Variants in GRID2 observed in about 807,000 individuals in gnomAD.
GRID2 encodes the protein glutamate receptor ionotropic, delta-2.
GRID2 carries 33 observed loss-of-function variants against 114.8 expected under a neutral mutation model. The ratio of observed to expected loss-of-function variants is 0.29; its 90% CI spans 0.22 to 0.38. The LOEUF is 0.38. Ranked by LOEUF, GRID2 falls within the 10% of genes least tolerant of loss-of-function variation. The probability of loss-of-function intolerance (pLI) is 1.00; values close to 1 mark genes in which losing one functional copy is unlikely to be tolerated. For missense variants in GRID2, 1,184 were observed against 1,257.7 expected (o/e 0.94, Z 0.89); for synonymous variants, 505 against 449.9 (o/e 1.12, Z -1.55).
chr4:93,745,767 A>C (rs1008155982), intron 14 of GRID2, among the ~76,000 whole-genome samples: 1 of 152,238 alleles, frequency 6.6e-6, no homozygotes. Flanking sequence ...ATTTTCAATT[A>C]ACAGGAAGAT....
chr4:93,435,092 C>A (rs1219216484), intron 10 of GRID2, among the ~76,000 whole-genome samples: 3 of 150,646 alleles, frequency 2.0e-5, no homozygotes, highest in Admixed American at 2.0e-4. Flanking sequence ...ATAACACTTA[C>A]AATTATTTTA....
chr4:93,492,483 A>T (rs1727113396), intron 12 of GRID2, among the ~76,000 whole-genome samples: 1 of 151,818 alleles, frequency 6.6e-6, no homozygotes. Flanking sequence ...TATGAATCTT[A>T]GGTTTTAGAG....
chr4:92,456,572 A>G (rs1218426940), intron 1 of GRID2, among the ~76,000 whole-genome samples: 1 of 152,090 alleles, frequency 6.6e-6, no homozygotes, highest in African/African-American at 2.4e-5. Flanking sequence ...CTCAATACCA[A>G]CCTACATAAT....
chr4:93,332,267 C>T (rs36075400), intron 8 of GRID2, among the ~76,000 whole-genome samples: 4,845 of 133,790 alleles, frequency 0.036, 125 homozygotes, highest in Non-Finnish European at 0.046. Flanking sequence ...TGTGTGTGTG[C>T]GTGTGTGTGT....
intron 9 of GRID2, among the ~76,000 whole-genome samples, chr4:93,417,290 T>C (rs1366718978): frequency 6.6e-6 from 1 of 152,138 alleles, no homozygotes; most frequent in African/African-American, 2.4e-5. Context: ...TTAAAATTAC[T>C]TTCTTACTAT....
At chr4:92,769,274 T>G (rs2149350744) in intron 2 of GRID2, among the ~76,000 whole-genome samples, 1 of 152,274 alleles carries the variant, frequency 6.6e-6, no homozygotes, top group Admixed American at 6.5e-5. Context: ...GTCATGCTGA[T>G]GCAAAAAATG....
intron 14 of GRID2, among the ~76,000 whole-genome samples, chr4:93,735,822 G>A (rs2110237821): frequency 6.6e-6 from 1 of 152,122 alleles, no homozygotes; most frequent in East Asian, 1.9e-4. Context: ...TAAGTATTGA[G>A]AAGCAGGAAA....
At chr4:93,528,980 C>A (rs1731193929) in intron 13 of GRID2, among the ~76,000 whole-genome samples, 1 of 151,996 alleles carries the variant, frequency 6.6e-6, no homozygotes, top group Non-Finnish European at 1.5e-5. Flanking sequence ...AGTGATTTAC[C>A]CAAGGCCACA....
intron 1 of GRID2, among the ~76,000 whole-genome samples, chr4:92,546,359 G>T (rs1726260305): frequency 6.6e-6 from 1 of 152,120 alleles, no homozygotes; most frequent in African/African-American, 2.4e-5. Flanking sequence ...TCCCCATCGT[G>T]CCATGTTTTC....
chr4:93,007,420 A>G (rs1721656670), intron 2 of GRID2, among the ~76,000 whole-genome samples: 1 of 152,194 alleles, frequency 6.6e-6, no homozygotes, highest in Admixed American at 6.5e-5. Context: ...GGTTGTCGTG[A>G]GAAATCTTCA....
chr4:93,345,328 G>C (rs1266095436), intron 8 of GRID2, among the ~76,000 whole-genome samples: 4 of 151,648 alleles, frequency 2.6e-5, no homozygotes. Context: ...GTTATCTTTA[G>C]TAGTAGCCAC....
At chr4:92,393,076 C>T (rs1730325039) in intron 1 of GRID2, among the ~76,000 whole-genome samples, 3 of 152,080 alleles carry the variant, frequency 2.0e-5, no homozygotes, top group Admixed American at 2.0e-4. Context: ...TAAGTAGAAG[C>T]GGGCACTTCA....
intron 2 of GRID2, among the ~76,000 whole-genome samples, chr4:92,937,273 G>T (rs762847562): frequency 1.4e-5 from 2 of 146,276 alleles, no homozygotes; most frequent in Non-Finnish European, 1.5e-5. Context: ...CAAATCCAAG[G>T]TCATAGAGAT....
At chr4:92,682,102 A>G (rs573546649) in intron 2 of GRID2, among the ~76,000 whole-genome samples, 10 of 151,712 alleles carry the variant, frequency 6.6e-5, no homozygotes, top group African/African-American at 1.9e-4. Context: ...TTTTTAATAT[A>G]CTTAAAAGAG....
Position 92,988,924 on chromosome 4 carries a change from T to A in GRID2, c.245-96071T>A, listed in dbSNP as rs541125205. On this transcript the variant is annotated intron_variant, in intron 2 of 15. Coordinates refer to ENST00000282020, the MANE Select transcript of GRID2 (RefSeq NM_001510.4). ...AATTAGTATCAAGGTATTCTGTGTT[T>A]CCTATAATATTTTAGGTCAACTTCA... 2.6e-5 allele frequency among the ~76,000 whole-genome samples: 4 copies of A among 152,258 alleles called. No homozygotes were observed. In the East Asian group the frequency reaches 7.7e-4, roughly 29 times the overall value.
chr4:92,878,301 A>C (rs568785340), intron 2 of GRID2, among the ~76,000 whole-genome samples: 85 of 145,306 alleles, frequency 5.8e-4, no homozygotes, highest in African/African-American at 1.9e-3. Context: ...TGCTTCACTC[A>C]TCTGTTCCAA....
At chr4:93,465,696 C>T (rs1473253166) in intron 11 of GRID2, among the ~76,000 whole-genome samples, 1 of 152,068 alleles carries the variant, frequency 6.6e-6, no homozygotes, top group Non-Finnish European at 1.5e-5. Flanking sequence ...TTGTTTAATC[C>T]TTCAATATTC....
At chr4:93,433,315 A>C (rs2149382577) in intron 10 of GRID2, among the ~76,000 whole-genome samples, 1 of 152,272 alleles carries the variant, frequency 6.6e-6, no homozygotes, top group Non-Finnish European at 1.5e-5. Context: ...CAGGTCTCAA[A>C]GTTTTCAGAG....
chr4:92,310,123 T>G (rs1223838814), intron 1 of GRID2, among the ~76,000 whole-genome samples: 2 of 152,050 alleles, frequency 1.3e-5, no homozygotes, highest in Non-Finnish European at 2.9e-5. Context: ...TATCGATTCC[T>G]TGCATAGTTG....
Sources: allele counts gnomAD v4.1 joint callset (sites outside exome capture counted in the v4.1 genomes callset), GRCh38; gene constraint gnomAD v4.1.1; transcripts MANE v1.5; gene names NCBI Gene and HGNC (gene_info 2026-07-23, HGNC 2026-07-21).